MACF1: variants seen among roughly 807,000 people sequenced by gnomAD.
The protein encoded by MACF1 is microtubule actin crosslinking factor 1.
A neutral mutation model predicts 854.8 loss-of-function variants in MACF1; 193 were observed. The observed-to-expected ratio is 0.23, with a 90% CI of 0.20 to 0.25. The LOEUF is 0.25. Ranked by LOEUF, MACF1 falls within the 10% of genes least tolerant of loss-of-function variation. The pLI is 1.00. For missense variants in MACF1, 7,722 were observed against 8,929.1 expected (o/e 0.86, Z 5.45); for synonymous variants, 3,185 against 3,226.7 (o/e 0.99, Z 0.44).
chr1:39,270,656 G>A (rs1645298400), intron 6 of MACF1, among the ~76,000 whole-genome samples: 1 of 152,164 alleles, frequency 6.6e-6, no homozygotes, highest in Non-Finnish European at 1.5e-5. Flanking sequence ...TTACTGGGAT[G>A]TTGGCCTCTG....
Position 39,435,544 on chromosome 1 carries a change from CT to C in MACF1, c.17785-7del, listed in dbSNP as rs35354339. ...TAAAAGTACTCATTATGGTTTAATT[CT>C]TTTTTTACCTAGCAATTAAGGGAAT... On this transcript the variant is annotated splice_polypyrimidine_tract_variant and intron_variant, in intron 69 of 100. Transcript: ENST00000564288. 1 of 1,603,742 alleles carries C rather than the reference CT, an allele frequency of 6.2e-7. No individual in the cohort carries two copies. Among genetic ancestry groups the C allele is most frequent in the Non-Finnish European group, 8.5e-7 (1 of 1,171,776 alleles).
In MACF1 at chr1:39,269,584, A is replaced by G. The variant is rs765580799; in HGVS notation, c.528+11556A>G. The G allele has an allele frequency of 1.7e-4, 213 of 1,289,662 alleles. 1 individual carries two copies. The highest frequency in any genetic ancestry group is 2.1e-4 in the Non-Finnish European group (207 of 988,894). The allele number at this position is 1,289,662 out of a possible 1,614,324, so 79.9% of individuals were successfully genotyped here. A position where few individuals can be genotyped will look rare whatever the true frequency, so the allele number is the denominator to read the frequency against. ...AGCATTTTGCCCTCCTCCTCTGGCT[A>G]TGGCAGTGATGGGCCACACATACAT... On this transcript the variant is annotated intron_variant, in intron 6 of 100. Transcript: ENST00000564288.
At chr1:39,440,330 T>A (rs1644085665) in intron 72 of MACF1, among the ~76,000 whole-genome samples, 1 of 151,860 alleles carries the variant, frequency 6.6e-6, no homozygotes, top group South Asian at 2.1e-4. Flanking sequence ...TGTCCAGAAC[T>A]CCTGGGCTCA....
chr1:39,424,275 A>G, intron 61 of MACF1, 81 bp downstream of exon 61: 1 of 1,225,932 alleles, frequency 8.2e-7, no homozygotes, highest in Admixed American at 2.4e-5. Flanking sequence ...AAGTTCTTGG[A>G]TGATTCATAT....
chr1:39,472,468 A>G (rs1644796785), intron 97 of MACF1, among the ~76,000 whole-genome samples: 1 of 152,178 alleles, frequency 6.6e-6, no homozygotes, highest in Admixed American at 6.5e-5. Flanking sequence ...AAAAGTATTA[A>G]TTGCCCCCTT....
chr1:39,411,675 TGAA>T (rs1557638555), intron 58 of MACF1: 1 of 1,613,916 alleles, frequency 6.2e-7, no homozygotes, highest in Non-Finnish European at 8.5e-7. Flanking sequence ...TTCTTGAACT[TGAA>T]AAGGAGTGTT....
At chr1:39,208,991 C>A (rs978714362) in intron 1 of MACF1, among the ~76,000 whole-genome samples, 3 of 152,094 alleles carry the variant, frequency 2.0e-5, no homozygotes, top group Admixed American at 6.5e-5. Context: ...GTGGCTCACA[C>A]CTGTAATCCC....
chr1:39,389,186 T>C (rs1480324535), intron 58 of MACF1, among the ~76,000 whole-genome samples: 1 of 151,774 alleles, frequency 6.6e-6, no homozygotes, highest in East Asian at 1.9e-4. Flanking sequence ...AGAGCATTTT[T>C]CTATTGTAGT....
intron 42 of MACF1, 142 bp downstream of exon 42, chr1:39,349,769 A>G (rs1647136497): frequency 2.3e-6 from 2 of 863,044 alleles, no homozygotes; most frequent in Non-Finnish European, 3.4e-6. Context: ...AGGAGCTGGG[A>G]CAAAGTCATG....
chr1:39,434,311 T>TA, intron 68 of MACF1, 103 bp from the exon 69 acceptor site: 1 of 487,302 alleles, frequency 2.1e-6, no homozygotes, highest in East Asian at 3.0e-5. Context: ...ATAATTTAGT[T>TA]ATGTATTCTT....
intron 30 of MACF1, among the ~76,000 whole-genome samples, 163 bp from the exon 31 acceptor site, chr1:39,319,501 A>G (rs1646473379): frequency 6.6e-6 from 1 of 152,250 alleles, no homozygotes; most frequent in African/African-American, 2.4e-5. Flanking sequence ...CCACTGAACC[A>G]GAAACTCTGG....
chr1:39,186,208 CTCTCTCTGTGTGTGTGTG>C (rs1176029883), intron 2 of MACF1, among the ~76,000 whole-genome samples: 2 of 62,288 alleles, frequency 3.2e-5, no homozygotes, highest in African/African-American at 1.4e-4. Context: ...CTCTCTCTCT[CTCTCTCTGTGTGTGTGTG>C]TGTGTGTGTG....
intron 6 of MACF1, among the ~76,000 whole-genome samples, chr1:39,259,895 G>A (rs1029968344): frequency 1.3e-5 from 2 of 152,192 alleles, no homozygotes. Flanking sequence ...TGGATTACAG[G>A]CGTGAGCCAC....
intron 71 of MACF1, among the ~76,000 whole-genome samples, chr1:39,439,073 G>A (rs1468927529): frequency 6.9e-6 from 1 of 144,760 alleles, no homozygotes; most frequent in Non-Finnish European, 1.5e-5. Flanking sequence ...ACAGGAGCAA[G>A]ACTCTGTCTC....
chr1:39,408,743 C>G (rs1230807310), intron 58 of MACF1, among the ~76,000 whole-genome samples: 2 of 152,068 alleles, frequency 1.3e-5, no homozygotes. Context: ...CCTCTCCTTG[C>G]GCCCTCTCCG....
Position 39,316,437 on chromosome 1 carries a change from C to T in MACF1, c.3496C>T (p.Leu1166Phe). 6.2e-7 allele frequency: 1 copy of T among 1,613,946 alleles called. No homozygotes were observed. ...VIVRSIQDAE[L>F]LVKGYEIKLS... ...AGTACGTAGCATACAGGATGCTGAA[C>T]TCTTGGTCAAAGGTTATGAGATTAA... Residue 1166 changes from leucine (L) to phenylalanine (F), a missense_variant, in exon 28 of 101, where the codon CTC (leucine) becomes TTC (phenylalanine). By Grantham distance (22) the Leu-to-Phe change is conservative. Coordinates refer to ENST00000564288, the MANE Select transcript of MACF1 (RefSeq NM_001394062.1).
chr1:39,465,045 C>T (rs892669091), intron 94 of MACF1, 50 bp from the exon 95 acceptor site: 4 of 1,529,002 alleles, frequency 2.6e-6, no homozygotes, highest in Non-Finnish European at 3.6e-6. Context: ...AAAATGTTCT[C>T]TTTTTTTTTC....
intron 3 of MACF1, among the ~76,000 whole-genome samples, chr1:39,250,498 C>A (rs1645029142): frequency 6.6e-6 from 1 of 152,102 alleles, no homozygotes; most frequent in Non-Finnish European, 1.5e-5. Context: ...ATTTTCCAAT[C>A]TATTGTGAAT....
Position 39,433,062 on chromosome 1 carries a change from C to T in MACF1, c.17472C>T (p.Asp5824=), listed in dbSNP as rs904726231. Residue 5824 remains aspartate, a synonymous_variant, in exon 68 of 101, where the codon GAC becomes GAT. Coordinates refer to ENST00000564288, the MANE Select transcript of MACF1 (RefSeq NM_001394062.1). ...ACTTTTCAAAGGCTTTCTCCATTGA[C>T]ATTATTCGACACAAAGATTCAATGG... is the stretch of plus-strand genomic sequence containing the variant. The part of the protein sequence containing the change: ...QLQVQKAFSI[D]IIRHKDSMDE... The T allele has an allele frequency of 3.7e-6, 6 of 1,609,144 alleles. No individual in the cohort carries two copies. Among genetic ancestry groups the T allele is most frequent in the Non-Finnish European group, 5.1e-6 (6 of 1,176,444 alleles).
Sources: gnomAD v4.1 joint callset for allele counts (sites outside exome capture counted in the v4.1 genomes callset) on GRCh38, gnomAD v4.1.1 for gene constraint, MANE v1.5 for transcripts, NCBI Gene and HGNC (gene_info 2026-07-23, HGNC 2026-07-21) for gene names.